Variants in MAP3K15 observed in about 807,000 individuals in gnomAD.
MAP3K15 encodes the protein mitogen-activated protein kinase kinase kinase 15, also known as MAPK/ERK kinase kinase 15.
Under a neutral mutation model 99.5 loss-of-function variants are expected in MAP3K15, and 124 were observed. The ratio of observed to expected loss-of-function variants is 1.25; its 90% CI spans 1.08 to 1.45. MAP3K15 has a LOEUF of 1.45. Ranked by LOEUF, MAP3K15 falls within the 40% of genes most tolerant of loss-of-function variation. The pLI is 0.00. For synonymous variants in MAP3K15, 494 were observed against 439.6 expected (o/e 1.12, Z -1.55); for missense variants, 1,242 against 1,079.7 (o/e 1.15, Z -2.11).
At chrX:19,405,483 T>C (rs1276441063) in intron 13 of MAP3K15, among the ~76,000 whole-genome samples, 1 of 112,444 alleles carries the variant, frequency 8.9e-6, no homozygotes, top group Non-Finnish European at 1.9e-5. Context: ...TGATGAACTC[T>C]TTCAGGTGAA....
At chrX:19,496,259 G>T (rs1012904091) in intron 1 of MAP3K15, 1 of 109,872 alleles carries the variant, frequency 9.1e-6, no homozygotes, top group African/African-American at 3.3e-5. Flanking sequence ...TAGAGACAGG[G>T]TTTCGCCATG....
rs185654067 is a variant in MAP3K15 at position 19,452,731 on chromosome X, A to G, written c.995+4182T>C. Among the ~76,000 whole-genome samples the G allele has an allele frequency of 5.3e-5, 6 of 112,657 alleles. No individual in the cohort carries two copies. The East Asian group carries it at 1.7e-3, about 31-fold the overall frequency. On this transcript the variant is annotated intron_variant, in intron 6 of 28. Coordinates refer to ENST00000338883, the MANE Select transcript of MAP3K15 (RefSeq NM_001001671.4). ...ACTAAGTGAAATAAAGCAGTCAGAG[A>G]AAGACAAACCCTGTACAAGGTTGTT...
At chrX:19,422,050 CAT>C (rs2063791899) in intron 9 of MAP3K15, among the ~76,000 whole-genome samples, 1 of 110,537 alleles carries the variant, frequency 9.0e-6, no homozygotes, top group African/African-American at 3.3e-5. Context: ...TAAAGACTTA[CAT>C]GTTAGACCTA....
chrX:19,391,459 C>T lies in MAP3K15; in HGVS notation c.2431+543G>A, dbSNP rs188746749. ...TTGGGAGGCTGAGGTGGGCGAATCA[C>T]TTGAGGTCAGGAGTTCGAGACCAGC... On this transcript the variant is annotated intron_variant, in intron 18 of 28. Coordinates refer to ENST00000338883, the MANE Select transcript of MAP3K15 (RefSeq NM_001001671.4). 2.7e-5 allele frequency among the ~76,000 whole-genome samples: 3 copies of T among 109,584 alleles called. No homozygotes were observed. The East Asian group carries it at 8.6e-4, about 31-fold the overall frequency.
chrX:19,434,834 A>C (rs905927847), intron 6 of MAP3K15, among the ~76,000 whole-genome samples: 2 of 111,893 alleles, frequency 1.8e-5, no homozygotes, highest in African/African-American at 6.5e-5. Flanking sequence ...CCTGGGTTGG[A>C]AAGGGCTAAT....
chrX:19,393,760 CTTTTTTTTTTTTTT>C lies in MAP3K15; in HGVS notation c.2195-1301_2195-1288del, dbSNP rs761246318. Among the ~76,000 whole-genome samples the C allele has an allele frequency of 4.5e-3, 271 of 60,245 alleles. 4 individuals are homozygous for C. Among genetic ancestry groups the C allele is most frequent in the African/African-American group, 0.019 (248 of 13,023 alleles). 52.3% of individuals were successfully genotyped at this position (60,245 alleles called of 115,157 possible). On this transcript the variant is annotated intron_variant, in intron 16 of 28. Coordinates refer to ENST00000338883, the MANE Select transcript of MAP3K15 (RefSeq NM_001001671.4). ...TGAAAATCTAGCCCACTGCCTGGCT[CTTTTTTTTTTTTTT>C]TTTTTTTTTTTTTTTGAAGACGGAG...
rs183999417 is a variant in MAP3K15, at chrX:19,370,754, T to C, written c.3400+205A>G. Among the ~76,000 whole-genome samples the C allele has an allele frequency of 2.2e-3, 251 of 111,774 alleles. 1 individual carries two copies. The highest frequency in any genetic ancestry group is 3.4e-3 in the Admixed American group (36 of 10,480). The stretch of plus-strand genomic sequence containing the variant: ...TTATGTGTAGTCACCTTCATCATGC[T>C]TCAGGGACACGTAAATACAGCACCA... On this transcript the variant is annotated intron_variant, in intron 24 of 28. Coordinates refer to ENST00000338883, the MANE Select transcript of MAP3K15 (RefSeq NM_001001671.4).
intron 6 of MAP3K15, among the ~76,000 whole-genome samples, chrX:19,440,225 G>T (rs941016894): frequency 8.9e-6 from 1 of 112,037 alleles, no homozygotes; most frequent in East Asian, 2.8e-4. Context: ...CTTCAGGGCT[G>T]CCTCATCATT....
intron 16 of MAP3K15, 86 bp from the exon 17 acceptor site, chrX:19,392,559 C>T: frequency 1.0e-6 from 1 of 996,757 alleles, no homozygotes; most frequent in African/African-American, 1.9e-5. Context: ...AGGTTTCTAA[C>T]CTAACCTAAG....
At chrX:19,446,870 T>C (rs2064002082) in intron 6 of MAP3K15, among the ~76,000 whole-genome samples, 1 of 111,299 alleles carries the variant, frequency 9.0e-6, no homozygotes, top group African/African-American at 3.3e-5. Flanking sequence ...AAAAAAATTA[T>C]TTATTTATAT....
intron 15 of MAP3K15, among the ~76,000 whole-genome samples, chrX:19,396,806 C>T (rs755386254): frequency 1.8e-5 from 2 of 111,715 alleles, no homozygotes; most frequent in African/African-American, 3.3e-5. Context: ...CTGTGGATCC[C>T]GGAATGATTA....
chrX:19,398,104 A>G, intron 15 of MAP3K15, 122 bp downstream of exon 15: 1 of 820,652 alleles, frequency 1.2e-6, no homozygotes, highest in Non-Finnish European at 1.7e-6. Context: ...ATTACAAGAG[A>G]ATGACAGGTT....
chrX:19,441,812 C>T (rs2063961986), intron 6 of MAP3K15, among the ~76,000 whole-genome samples: 1 of 111,288 alleles, frequency 9.0e-6, no homozygotes, highest in Non-Finnish European at 1.9e-5. Context: ...CTGTTCCAAA[C>T]ACAGATACAA....
chrX:19,435,232 CTT>C (rs762215032), intron 6 of MAP3K15, among the ~76,000 whole-genome samples: 6 of 99,283 alleles, frequency 6.0e-5, no homozygotes, highest in Admixed American at 1.1e-4. Flanking sequence ...CACTTGAATG[CTT>C]TTTTTTTTTT....
intron 19 of MAP3K15, among the ~76,000 whole-genome samples, chrX:19,379,184 C>G (rs1056958334): frequency 5.5e-5 from 6 of 109,482 alleles, no homozygotes; most frequent in African/African-American, 9.9e-5. Flanking sequence ...ATCTTTTAAA[C>G]GGCTAAATAA....
intron 6 of MAP3K15, among the ~76,000 whole-genome samples, chrX:19,451,983 T>C (rs2064041988): frequency 9.5e-6 from 1 of 105,299 alleles, no homozygotes; most frequent in African/African-American, 3.5e-5. Context: ...CACTTGAACC[T>C]GGGAGGTGGA....
chrX:19,421,154 T>G (rs1044553583), intron 9 of MAP3K15, among the ~76,000 whole-genome samples: 62 of 110,702 alleles, frequency 5.6e-4, no homozygotes, highest in African/African-American at 1.8e-3. Flanking sequence ...ACCGCTCCTA[T>G]TCAACATAGT....
rs1406102428 is a variant in MAP3K15 at position 19,392,369 on chromosome X, T to G, written c.2299A>C (p.Asn767His). Residue 767 changes from asparagine to histidine, a missense_variant, in exon 17 of 29, where the codon AAC becomes CAC. Coordinates refer to ENST00000338883, the MANE Select transcript of MAP3K15 (RefSeq NM_001001671.4). ...ILEGLKYLHE[N>H]QIVHRDIKGD... ...TTTATGTCTCTGTGCACGATCTGGT[T>G]TTCATGAAGATACTTAAGGCCCTCC... The G allele has an allele frequency of 4.1e-6, 5 of 1,208,959 alleles. No homozygotes were observed. The highest frequency in any genetic ancestry group is 4.4e-5 in the Admixed American group (2 of 45,451).
rs779933500 is a variant in MAP3K15, at chrX:19,511,807, C to T, written c.361+3094G>A. 2.9e-4 allele frequency among the ~76,000 whole-genome samples: 32 copies of T among 111,932 alleles called. 1 individual carries two copies. The highest frequency in any genetic ancestry group is 8.5e-4 in the Admixed American group (9 of 10,566). On this transcript the variant is annotated intron_variant, in intron 1 of 28. Coordinates refer to ENST00000338883, the MANE Select transcript of MAP3K15 (RefSeq NM_001001671.4). ...CAGAAATACCATTTGACCCAGCAAT[C>T]CCATTGCTGGGTATATACCCAAAGG...
Sources: gnomAD v4.1 joint callset for allele counts (sites outside exome capture counted in the v4.1 genomes callset) on GRCh38, gnomAD v4.1.1 for gene constraint, MANE v1.5 for transcripts, NCBI Gene and HGNC (gene_info 2026-07-23, HGNC 2026-07-21) for gene names.